Variants in KCNU1 observed in about 807,000 individuals in gnomAD.
The protein encoded by KCNU1 is potassium calcium-activated channel subfamily U member 1, also known as potassium channel subfamily U member 1.
Under a neutral mutation model 126.8 loss-of-function variants are expected in KCNU1, and 93 were observed. That is an observed-to-expected ratio of 0.73 (90% CI 0.62 to 0.87). KCNU1 has a LOEUF of 0.87. Ranked by LOEUF, KCNU1 falls within the 40% of genes least tolerant of loss-of-function variation. The pLI, the probability that KCNU1 is intolerant of heterozygous loss-of-function variation, is 0.00. For missense variants in KCNU1, 1,330 were observed against 1,367.1 expected (o/e 0.97, Z 0.43); for synonymous variants, 523 against 494.2 (o/e 1.06, Z -0.77).
Position 36,932,913 on chromosome 8 carries a change from T to A in KCNU1, c.2932-7T>A. The A allele has an allele frequency of 2.0e-6, 3 of 1,526,440 alleles. No homozygotes were observed. The highest frequency in any genetic ancestry group is 2.7e-6 in the Non-Finnish European group (3 of 1,120,594). 94.6% of individuals were successfully genotyped at this position (1,526,440 alleles called of 1,614,324 possible). A position where few individuals can be genotyped will look rare whatever the true frequency, so the allele number is the denominator to read the frequency against. On this transcript the variant is annotated splice_polypyrimidine_tract_variant and splice_region_variant and intron_variant, in intron 25 of 26. Coordinates refer to ENST00000399881, the MANE Select transcript of KCNU1 (RefSeq NM_001031836.3). ...AGCAGACATATTTTTGTCTCTTCTC[T>A]CCCCAGCCAAGAAACACCTTTGGAC...
chr8:36,923,915 G>A (rs1389782127), intron 24 of KCNU1, among the ~76,000 whole-genome samples: 3 of 152,312 alleles, frequency 2.0e-5, no homozygotes, highest in Admixed American at 2.0e-4. Flanking sequence ...ACTTGCCTGG[G>A]TCTGTCCAGG....
At chr8:36,845,937 C>T in intron 18 of KCNU1, 38 bp downstream of exon 18, 2 of 1,177,384 alleles carry the variant, frequency 1.7e-6, no homozygotes, top group South Asian at 1.3e-5. Context: ...TTAGCCCAGC[C>T]TCTAGGGAGC....
At chr8:36,805,811 TATATG>T (rs1803477689) in intron 4 of KCNU1, among the ~76,000 whole-genome samples, 2 of 152,318 alleles carry the variant, frequency 1.3e-5, no homozygotes, top group South Asian at 4.1e-4. Flanking sequence ...AATATACACA[TATATG>T]TATGTATATA....
chr8:36,902,117 T>C (rs1184278235), intron 19 of KCNU1, among the ~76,000 whole-genome samples: 1 of 152,146 alleles, frequency 6.6e-6, no homozygotes, highest in Non-Finnish European at 1.5e-5. Flanking sequence ...GGTTTTGCTT[T>C]GGCAAGGACA....
chr8:36,887,461 T>G (rs918380556), intron 19 of KCNU1, among the ~76,000 whole-genome samples: 4 of 150,722 alleles, frequency 2.7e-5, no homozygotes, highest in Admixed American at 6.6e-5. Context: ...TGTTTTTTTT[T>G]TTTTTTTTGG....
chr8:36,917,410 C>T (rs967655318), intron 22 of KCNU1, among the ~76,000 whole-genome samples: 5 of 150,900 alleles, frequency 3.3e-5, no homozygotes, highest in Non-Finnish European at 5.9e-5. Flanking sequence ...AGTGCAATAG[C>T]GTGATGGCGG....
chr8:36,933,022 G>C lies in KCNU1; in HGVS notation c.3034G>C (p.Glu1012Gln), dbSNP rs750590407. Reference sequence around the variant, plus strand: ...AATTGATGAAGAGGAGCTCAACCCAGAAAACAAAAGGGGAGTGTGCTAGAT... The same window carrying C: ...AATTGATGAAGAGGAGCTCAACCCACAAAACAAAAGGGGAGTGTGCTAGAT... ...RIIDEEELNP[E>Q]NKRFVITRPA... Residue 1012 changes from glutamate (E) to glutamine (Q), a missense_variant, in exon 26 of 27, where the codon GAA becomes CAA. Coordinates refer to ENST00000399881, the MANE Select transcript of KCNU1 (RefSeq NM_001031836.3). The C allele has an allele frequency of 6.5e-7, 1 of 1,546,220 alleles. No homozygotes were observed. The highest frequency in any genetic ancestry group is 8.8e-7 in the Non-Finnish European group (1 of 1,138,896).
At chr8:36,870,724 G>T (rs1585488498) in intron 19 of KCNU1, among the ~76,000 whole-genome samples, 2 of 152,084 alleles carry the variant, frequency 1.3e-5, no homozygotes, top group East Asian at 3.9e-4. Context: ...ACAAGCATAG[G>T]CTTTCCTATT....
intron 24 of KCNU1, among the ~76,000 whole-genome samples, chr8:36,928,466 C>A (rs1338992583): frequency 6.6e-6 from 1 of 152,062 alleles, no homozygotes; most frequent in African/African-American, 2.4e-5. Context: ...AGCACCCTCC[C>A]AGGTGGTAGT....
At chr8:36,906,977 C>T (rs1168095817) in intron 20 of KCNU1, among the ~76,000 whole-genome samples, 5 of 152,064 alleles carry the variant, frequency 3.3e-5, no homozygotes, top group East Asian at 1.9e-4. Context: ...TGAGACCAAA[C>T]GATGGAAATA....
chr8:36,836,676 A>G (rs1804760910), intron 13 of KCNU1, 117 bp from the exon 14 acceptor site: 5 of 927,602 alleles, frequency 5.4e-6, no homozygotes, highest in Non-Finnish European at 8.1e-6. Flanking sequence ...TTTTGTGTGC[A>G]AAAATGAAGA....
intron 19 of KCNU1, among the ~76,000 whole-genome samples, chr8:36,887,033 T>A (rs1333986784): frequency 6.6e-6 from 1 of 152,208 alleles, no homozygotes; most frequent in Non-Finnish European, 1.5e-5. Flanking sequence ...ACGTTTTCTT[T>A]ATCCACTCAT....
chr8:36,794,609 C>T (rs1220970478), intron 2 of KCNU1, among the ~76,000 whole-genome samples: 1 of 152,072 alleles, frequency 6.6e-6, no homozygotes, highest in Admixed American at 6.5e-5. Flanking sequence ...GGTACCCAGA[C>T]TGCTTCCTCT....
chr8:36,901,332 G>T (rs1347556680), intron 19 of KCNU1, among the ~76,000 whole-genome samples: 1 of 152,126 alleles, frequency 6.6e-6, no homozygotes, highest in Non-Finnish European at 1.5e-5. Flanking sequence ...GGCAACCAAA[G>T]GCACAGGGTT....
rs559622176 is a variant in KCNU1, at chr8:36,929,136, C to T, written c.2737-1815C>T. 99 of 603,592 alleles carry T rather than the reference C, an allele frequency of 1.6e-4. No homozygotes were observed. In the South Asian group the frequency reaches 1.8e-3, roughly 11 times the overall value. The allele number at this position is 603,592 out of a possible 1,614,324, so 37.4% of individuals were successfully genotyped here. A position where few individuals can be genotyped will look rare whatever the true frequency, so the allele number is the denominator to read the frequency against. On this transcript the variant is annotated intron_variant, in intron 24 of 26. Transcript: ENST00000399881. Reference sequence around the variant, plus strand: ...GTGGCTCATGCCTGTAATCCCAGCACTTTGGGAGGCCAAGGTAGGTGGATC... The same window carrying T: ...GTGGCTCATGCCTGTAATCCCAGCATTTTGGGAGGCCAAGGTAGGTGGATC...
At position 36,933,890 on chromosome 8, in the gene KCNU1, C is replaced by A. The variant is rs544317933; in HGVS notation, c.3044+858C>A. On this transcript the variant is annotated intron_variant, in intron 26 of 26. Coordinates refer to ENST00000399881, the MANE Select transcript of KCNU1 (RefSeq NM_001031836.3). ...AGGATTTCTCAGTGCACAGTCATTG[C>A]TGAGAGAAAGATGGAAGAAATAGTA... Among the ~76,000 whole-genome samples, 9 of 152,072 alleles carry A rather than the reference C, an allele frequency of 5.9e-5. No homozygotes were observed. The East Asian group carries it at 1.6e-3, about 26-fold the overall frequency.
intron 21 of KCNU1, among the ~76,000 whole-genome samples, 177 bp from the exon 22 acceptor site, chr8:36,910,753 A>G (rs1807838470): frequency 6.6e-6 from 1 of 152,138 alleles, no homozygotes; most frequent in Admixed American, 6.5e-5. Flanking sequence ...CTAAAATATT[A>G]ATGTTTGATA....
At chr8:36,849,321 G>A (rs1278617457) in intron 18 of KCNU1, among the ~76,000 whole-genome samples, 2 of 152,208 alleles carry the variant, frequency 1.3e-5, no homozygotes, top group African/African-American at 2.4e-5. Context: ...AGGCACAGTG[G>A]CTCATGCCTG....
rs770942057 is a variant in KCNU1 at position 36,935,673 on chromosome 8, C to T, written c.3203C>T (p.Thr1068Ile). The change falls in exon 27 of 27, where the codon ACA becomes ATA. Residue 1068 changes from threonine to isoleucine, a missense_variant. This residue lies in a region of KCNU1 where 1,054 missense variants were observed against 1,053.9 expected (regional missense o/e 1.00). Coordinates refer to ENST00000399881, the MANE Select transcript of KCNU1 (RefSeq NM_001031836.3). ...IVNKASQTTE[T>I]HSDTNCPPTI... ...AATAAAGCATCACAGACAACAGAGACACATTCAGACACAAATTGTCCTCCC... is the reference window on the plus strand; with the variant it reads ...AATAAAGCATCACAGACAACAGAGATACATTCAGACACAAATTGTCCTCCC... 19 of 1,613,296 alleles carry T rather than the reference C, an allele frequency of 1.2e-5. No individual in the cohort carries two copies. In the East Asian group the frequency reaches 4.2e-4, roughly 36 times the overall value.
Sources: allele counts gnomAD v4.1 joint callset (sites outside exome capture counted in the v4.1 genomes callset), GRCh38; gene constraint gnomAD v4.1.1; regional missense constraint gnomAD v4.1.1; transcripts MANE v1.5; gene names NCBI Gene and HGNC (gene_info 2026-07-23, HGNC 2026-07-21).